Variants in TENM3 observed in about 807,000 individuals in gnomAD.
The protein encoded by TENM3 is teneurin transmembrane protein 3, also known as teneurin-3.
A neutral mutation model predicts 255.1 loss-of-function variants in TENM3; 63 were observed. That is an observed-to-expected ratio of 0.25 (90% confidence interval 0.20 to 0.30). The LOEUF (loss-of-function observed/expected upper bound fraction) is 0.30, where lower values mean the gene tolerates loss of function less well. TENM3 is among the 10% of genes least tolerant of loss of function. The pLI is 1.00. For missense variants in TENM3, 2,929 were observed against 3,461.1 expected, an observed-to-expected ratio of 0.85 and a Z score of 3.86; for synonymous variants, 1,306 against 1,322.3, an observed-to-expected ratio of 0.99 and a Z score of 0.27.
chr4:181,721,533 G>T, the TENM3 span, among the ~76,000 whole-genome samples: 1 of 69,992 alleles, frequency 1.4e-5, no homozygotes, highest in Non-Finnish European at 3.0e-5. Flanking sequence ...CCGGGAGGCG[G>T]AGCTTGCAGT....
chr4:182,735,302 C>T (rs1234836293), intron 16 of TENM3, among the ~76,000 whole-genome samples: 4 of 152,148 alleles, frequency 2.6e-5, no homozygotes, highest in Non-Finnish European at 4.4e-5. Flanking sequence ...TGTACCACAT[C>T]GCGTCCCTCT....
the TENM3 span, among the ~76,000 whole-genome samples, chr4:181,502,372 A>G: frequency 2.0e-4 from 30 of 152,210 alleles, no homozygotes; most frequent in East Asian, 5.4e-3. Context: ...AGAGGGGTGC[A>G]TGGGAGCTCT....
the TENM3 span, among the ~76,000 whole-genome samples, chr4:182,102,693 G>T: frequency 6.6e-6 from 1 of 152,158 alleles, no homozygotes; most frequent in African/African-American, 2.4e-5. Context: ...TAAGAGCACA[G>T]CCTGGGGTAT....
chr4:182,319,593 A>G (rs1322602221), intron 1 of TENM3, among the ~76,000 whole-genome samples: 1 of 152,224 alleles, frequency 6.6e-6, no homozygotes, highest in Non-Finnish European at 1.5e-5. Flanking sequence ...CAGATATTTG[A>G]TGCTAGAGAT....
At chr4:181,553,697 T>C in the TENM3 span, among the ~76,000 whole-genome samples, 1 of 152,100 alleles carries the variant, frequency 6.6e-6, no homozygotes, top group African/African-American at 2.4e-5. Flanking sequence ...CGCCTCGGCC[T>C]CCCAAAGTGT....
intron 1 of TENM3, among the ~76,000 whole-genome samples, chr4:182,218,419 G>C (rs1180111727): frequency 6.6e-6 from 1 of 152,146 alleles, no homozygotes; most frequent in Non-Finnish European, 1.5e-5. Context: ...ATAACTTCCT[G>C]GGTGTTAGTA....
intron 1 of TENM3, among the ~76,000 whole-genome samples, chr4:182,214,720 T>A (rs186571051): frequency 2.6e-5 from 4 of 152,018 alleles, no homozygotes; most frequent in Non-Finnish European, 5.9e-5. Context: ...TCTCTCCAGA[T>A]TTCTCCTTAT....
chr4:181,505,272 T>C, the TENM3 span, among the ~76,000 whole-genome samples: 3 of 152,328 alleles, frequency 2.0e-5, no homozygotes, highest in Admixed American at 2.0e-4. Context: ...AAAATGCTGG[T>C]AGCTTTAGCA....
intron 3 of TENM3, among the ~76,000 whole-genome samples, chr4:182,538,156 C>T (rs767969520): frequency 4.1e-4 from 62 of 152,206 alleles, no homozygotes; most frequent in Non-Finnish European, 8.2e-4. Flanking sequence ...GGCATCCGCA[C>T]GTCTCTTCTG....
intron 20 of TENM3, among the ~76,000 whole-genome samples, chr4:182,752,501 G>A (rs1323479345): frequency 2.1e-5 from 3 of 143,582 alleles, no homozygotes; most frequent in African/African-American, 7.8e-5. Context: ...AAAAATCCTT[G>A]CTGAGAGGAA....
At chr4:182,638,391 A>G (rs1752025143) in intron 5 of TENM3, among the ~76,000 whole-genome samples, 1 of 152,184 alleles carries the variant, frequency 6.6e-6, no homozygotes, top group South Asian at 2.1e-4. Context: ...TTTGGAGATA[A>G]GCGTCATGTT....
chr4:182,575,738 A>G (rs1415993348), intron 3 of TENM3, among the ~76,000 whole-genome samples: 4 of 152,150 alleles, frequency 2.6e-5, no homozygotes, highest in Non-Finnish European at 5.9e-5. Context: ...CTATTTGGGG[A>G]AATCAAAACA....
chr4:182,503,170 T>C (rs1464599891), intron 3 of TENM3, among the ~76,000 whole-genome samples: 1 of 152,038 alleles, frequency 6.6e-6, no homozygotes, highest in Non-Finnish European at 1.5e-5. Context: ...AATACACCAG[T>C]GGTTTCTTGC....
intron 6 of TENM3, among the ~76,000 whole-genome samples, chr4:182,670,778 G>A (rs551672794): frequency 9.9e-5 from 15 of 152,186 alleles, no homozygotes; most frequent in East Asian, 1.9e-4. Flanking sequence ...GTCATGTTCC[G>A]TAGTAATCTT....
intron 5 of TENM3, among the ~76,000 whole-genome samples, chr4:182,642,032 A>T (rs1752361725): frequency 6.6e-6 from 1 of 152,246 alleles, no homozygotes; most frequent in Admixed American, 6.5e-5. Flanking sequence ...CCCACAAATC[A>T]TGTAAATGAT....
At chr4:181,730,946 C>T in the TENM3 span, among the ~76,000 whole-genome samples, 6 of 152,070 alleles carry the variant, frequency 3.9e-5, no homozygotes, top group African/African-American at 1.4e-4. Flanking sequence ...GTATGGAAAA[C>T]GAGCATTTCT....
the TENM3 span, among the ~76,000 whole-genome samples, chr4:182,102,056 G>A: frequency 6.6e-6 from 1 of 152,200 alleles, no homozygotes; most frequent in Non-Finnish European, 1.5e-5. Flanking sequence ...ACCTGGCATA[G>A]CCCAGGCACT....
chr4:182,729,178 A>T lies in TENM3; in HGVS notation c.2582A>T (p.Lys861Met). 6.2e-7 allele frequency: 1 copy of T among 1,611,070 alleles called. No homozygotes were observed. Among genetic ancestry groups the T allele is most frequent in the Non-Finnish European group, 8.5e-7 (1 of 1,177,202 alleles). Residue 861 changes from lysine to methionine, a missense_variant, in exon 14 of 28, where the codon AAG becomes ATG. Lys to Met is a moderately conservative substitution (Grantham distance 95). Around this residue, in one of 6 missense-constraint regions of TENM3, gnomAD observed 1,608 missense variants for 1,884.4 expected, o/e 0.85. Coordinates refer to ENST00000511685, the MANE Select transcript of TENM3 (RefSeq NM_001080477.4). ...ATACCTGGAGAAAGTCCTTTCAATA[A>T]GAGGTTAATGCTTCTTTTCCATATG... Reference protein sequence around the residue: ...HVIPGESPFNKSLASVIRGQV... With the variant: ...HVIPGESPFNMSLASVIRGQV...
At chr4:181,619,562 T>C in the TENM3 span, among the ~76,000 whole-genome samples, 1 of 151,930 alleles carries the variant, frequency 6.6e-6, no homozygotes, top group Non-Finnish European at 1.5e-5. Flanking sequence ...GCTGGGACCA[T>C]AGGCACACAC....
Sources: gnomAD v4.1 joint callset for allele counts (sites outside exome capture counted in the v4.1 genomes callset) on GRCh38, gnomAD v4.1.1 for gene constraint, gnomAD v4.1.1 regional missense constraint, MANE v1.5 for transcripts, NCBI Gene and HGNC (gene_info 2026-07-23, HGNC 2026-07-21) for gene names.